HPCAL1: variants seen among roughly 807,000 people sequenced by gnomAD.
The protein encoded by HPCAL1 is hippocalcin-like protein 1.
A neutral mutation model predicts 17.1 loss-of-function variants in HPCAL1; 8 were observed. The observed-to-expected ratio is 0.47, with a 90% CI of 0.27 to 0.84. HPCAL1 has a LOEUF of 0.84. HPCAL1 is among the 40% of genes least tolerant of loss of function. The pLI, the probability that HPCAL1 is intolerant of heterozygous loss-of-function variation, is 0.13. For synonymous variants in HPCAL1, 112 were observed against 111.4 expected (o/e 1.01, Z -0.03); for missense variants, 165 against 271.1 (o/e 0.61, Z 2.75).
intron 1 of HPCAL1, among the ~76,000 whole-genome samples, chr2:10,345,379 G>C (rs1339694218): frequency 6.6e-6 from 1 of 152,146 alleles, no homozygotes; most frequent in Non-Finnish European, 1.5e-5. Flanking sequence ...TAAAATGGAA[G>C]CACTACTTCA....
At chr2:10,417,905 G>T (rs990908931) in intron 2 of HPCAL1, among the ~76,000 whole-genome samples, 50 of 152,126 alleles carry the variant, frequency 3.3e-4, no homozygotes, top group African/African-American at 1.1e-3. Flanking sequence ...AACTGGGTGT[G>T]GTGGTGTGTG....
intron 1 of HPCAL1, among the ~76,000 whole-genome samples, chr2:10,389,396 C>T (rs951547333): frequency 4.6e-5 from 7 of 152,218 alleles, no homozygotes; most frequent in East Asian, 1.9e-4. Flanking sequence ...CTAATACCAC[C>T]GGCTCACCCT....
intron 3 of HPCAL1, among the ~76,000 whole-genome samples, chr2:10,421,048 G>A (rs1326547183): frequency 4.6e-5 from 7 of 152,198 alleles, no homozygotes; most frequent in African/African-American, 9.6e-5. Flanking sequence ...ATGGGCCACC[G>A]TGCCTGGCCA....
intron 2 of HPCAL1, among the ~76,000 whole-genome samples, chr2:10,415,303 G>A (rs980039983): frequency 3.3e-5 from 5 of 152,184 alleles, no homozygotes; most frequent in South Asian, 4.1e-4. Context: ...GCCTGACTGC[G>A]GGAGCTGGAG....
Position 10,331,344 on chromosome 2 carries a change from G to A in HPCAL1, c.-111+28167G>A, listed in dbSNP as rs765339464. On this transcript the variant is annotated intron_variant, in intron 1 of 4. Transcript: ENST00000307845. The surrounding 1 kb of genome is among the most constrained non-coding windows in gnomAD (Gnocchi z 5.0). ...TCTCCTTCCTCACCTCGCCACCTAC[G>A]CATCGTCACCCCTCCTCCTGCGTTT... Among the ~76,000 whole-genome samples, 2 of 152,012 alleles carry A rather than the reference G, an allele frequency of 1.3e-5. No homozygotes were observed. Among genetic ancestry groups the A allele is most frequent in the Non-Finnish European group, 2.9e-5 (2 of 67,992 alleles).
chr2:10,356,744 C>T lies in HPCAL1; in HGVS notation c.-110-40091C>T, dbSNP rs185983299. Among the ~76,000 whole-genome samples the T allele has an allele frequency of 3.9e-5, 6 of 152,208 alleles. No individual in the cohort carries two copies. In the East Asian group the frequency reaches 7.7e-4, roughly 20 times the overall value. On this transcript the variant is annotated intron_variant, in intron 1 of 4. Coordinates refer to ENST00000307845, the MANE Select transcript of HPCAL1 (RefSeq NM_002149.4). ...TGAGATGCTCTCACCTGTGGGCTCC[C>T]GGGCCCAGCCATGCTCTTGGTGTTC...
rs550953651 is a variant in HPCAL1, at chr2:10,395,822, C to G, written c.-110-1013C>G. ...CTGTCAAATGGGGATGATGATTGTG[C>G]CTGCCTCCCAGGGCTGCTGTGTGGA... On this transcript the variant is annotated intron_variant, in intron 1 of 4. Transcript: ENST00000307845. The surrounding 1 kb of genome is among the most constrained non-coding windows in gnomAD (Gnocchi z 4.4). 2.0e-5 allele frequency among the ~76,000 whole-genome samples: 3 copies of G among 152,266 alleles called. No individual in the cohort carries two copies. The South Asian group carries it at 6.2e-4, about 32-fold the overall frequency.
intron 1 of HPCAL1, among the ~76,000 whole-genome samples, chr2:10,334,955 G>A (rs1664627451): frequency 6.6e-6 from 1 of 152,266 alleles, no homozygotes; most frequent in African/African-American, 2.4e-5. Flanking sequence ...TGGGATTACA[G>A]GCGTGAGCCA....
At chr2:10,410,007 C>G (rs1438209375) in intron 2 of HPCAL1, among the ~76,000 whole-genome samples, 2 of 150,936 alleles carry the variant, frequency 1.3e-5, no homozygotes, top group Non-Finnish European at 3.0e-5. Context: ...TCAGGCTGGT[C>G]TTGAACTCCT....
intron 2 of HPCAL1, among the ~76,000 whole-genome samples, chr2:10,399,406 CCACCACCACCACCACCAT>C (rs1464371232): frequency 6.3e-5 from 4 of 63,358 alleles, no homozygotes; most frequent in Non-Finnish European, 1.0e-4. Flanking sequence ...ATCACCACCA[CCACCACCACCACCACCAT>C]CACCACCACC....
intron 1 of HPCAL1, among the ~76,000 whole-genome samples, chr2:10,369,837 G>A (rs1467278780): frequency 6.6e-6 from 1 of 152,234 alleles, no homozygotes; most frequent in Admixed American, 6.5e-5. Context: ...AGTTCAGCTT[G>A]TAATTTTGAA....
At chr2:10,347,694 T>TGTCTGC (rs1665558392) in intron 1 of HPCAL1, among the ~76,000 whole-genome samples, 1 of 152,140 alleles carries the variant, frequency 6.6e-6, no homozygotes. Flanking sequence ...CATGGCACTG[T>TGTCTGC]GTCTGCGGGG....
chr2:10,409,975 A>G (rs1670243444), intron 2 of HPCAL1, among the ~76,000 whole-genome samples: 1 of 151,770 alleles, frequency 6.6e-6, no homozygotes. Flanking sequence ...TATTTTTAGT[A>G]GGGACGGTTT....
chr2:10,381,000 A>T (rs6721270), intron 1 of HPCAL1, among the ~76,000 whole-genome samples: 6 of 152,092 alleles, frequency 3.9e-5, no homozygotes, highest in Admixed American at 2.0e-4. Context: ...CCACCCTGAT[A>T]AGAAAGTTCA....
At chr2:10,355,261 C>G (rs1558481437) in intron 1 of HPCAL1, among the ~76,000 whole-genome samples, 3 of 151,604 alleles carry the variant, frequency 2.0e-5, no homozygotes, top group Non-Finnish European at 4.4e-5. Context: ...ACCATCCTGG[C>G]TAAAACGGGG....
chr2:10,385,954 G>A (rs1306490218), intron 1 of HPCAL1, among the ~76,000 whole-genome samples: 1 of 152,154 alleles, frequency 6.6e-6, no homozygotes, highest in Non-Finnish European at 1.5e-5. Context: ...CTGCCTGTTT[G>A]GGAAGCCTCT....
rs1292149351 is a variant in HPCAL1, at chr2:10,359,456, C to G, written c.-110-37379C>G. ...GTTCCCAGAGGAAAGTCCCTGCAGG[C>G]CCCGGCCTCATGGCCTCTGTGACAG... On this transcript the variant is annotated intron_variant, in intron 1 of 4. Coordinates refer to ENST00000307845, the MANE Select transcript of HPCAL1 (RefSeq NM_002149.4). This position sits in a 1 kb window ranked among gnomAD's most constrained non-coding sequence, Gnocchi z 4.1. 6.6e-6 allele frequency among the ~76,000 whole-genome samples: 1 copy of G among 152,238 alleles called. No homozygotes were observed. Among genetic ancestry groups the G allele is most frequent in the Non-Finnish European group, 1.5e-5 (1 of 68,046 alleles).
intron 1 of HPCAL1, among the ~76,000 whole-genome samples, chr2:10,380,362 G>T (rs1667859695): frequency 6.6e-6 from 1 of 152,174 alleles, no homozygotes; most frequent in Admixed American, 6.5e-5. Flanking sequence ...ATTTATGTAG[G>T]GTCTGCTGGG....
At chr2:10,385,682 T>G (rs115769671) in intron 1 of HPCAL1, among the ~76,000 whole-genome samples, 1,787 of 152,298 alleles carry the variant, frequency 0.012, 44 homozygotes, top group African/African-American at 0.041. Flanking sequence ...TTTGGATGTT[T>G]GTGGCGCGAC....
Sources: allele counts gnomAD v4.1 joint callset (sites outside exome capture counted in the v4.1 genomes callset), GRCh38; gene constraint gnomAD v4.1.1; non-coding constraint Gnocchi (gnomAD v3.1); transcripts MANE v1.5; gene names NCBI Gene and HGNC (gene_info 2026-07-23, HGNC 2026-07-21).